Variants in URI1 observed in about 807,000 individuals in gnomAD.
URI1 encodes the protein URI1 prefoldin like chaperone.
In URI1, 39 loss-of-function variants were observed where a neutral mutation model predicts 60.2. The ratio of observed to expected loss-of-function variants is 0.65; its 90% CI spans 0.50 to 0.85. The LOEUF (loss-of-function observed/expected upper bound fraction) is 0.85. URI1 is among the 40% of genes least tolerant of loss of function. The pLI is 0.00. For synonymous variants in URI1, 251 were observed against 236.8 expected, an observed-to-expected ratio of 1.06 and a Z score of -0.55; for missense variants, 691 against 665.9, an observed-to-expected ratio of 1.04 and a Z score of -0.42.
At chr19:29,996,862 T>G (rs2055819307) in intron 4 of URI1, among the ~76,000 whole-genome samples, 1 of 152,072 alleles carries the variant, frequency 6.6e-6, no homozygotes, top group African/African-American at 2.4e-5. Flanking sequence ...TCAATCGAGA[T>G]TACCATGTTT....
rs1428790496 is a variant in URI1 at position 29,982,229 on chromosome 19, T to C, written c.153-2994T>C. On this transcript the variant is annotated intron_variant, in intron 2 of 10. Transcript: ENST00000392271. The stretch of plus-strand genomic sequence containing the variant: ...TAGAAAATAATTCAAAATTTATAAA[T>C]AGCAACTCTAATCTTAAACTGCTCT... Among the ~76,000 whole-genome samples, 3 of 152,206 alleles carry C rather than the reference T, an allele frequency of 2.0e-5. No homozygotes were observed. The East Asian group carries it at 5.8e-4, about 29-fold the overall frequency.
chr19:29,957,340 A>G (rs990624584), intron 1 of URI1, among the ~76,000 whole-genome samples: 2 of 137,606 alleles, frequency 1.5e-5, no homozygotes, highest in Admixed American at 7.8e-5. Flanking sequence ...TTTGAACTGG[A>G]TGCCAGATAT....
At chr19:29,946,266 G>A (rs2055101965) in intron 1 of URI1, among the ~76,000 whole-genome samples, 1 of 152,174 alleles carries the variant, frequency 6.6e-6, no homozygotes, top group Non-Finnish European at 1.5e-5. Flanking sequence ...CTGTTGTGGA[G>A]TGTCTTGGGC....
intron 1 of URI1, among the ~76,000 whole-genome samples, chr19:29,965,670 A>G (rs891341157): frequency 1.3e-5 from 2 of 152,210 alleles, no homozygotes; most frequent in African/African-American, 4.8e-5. Context: ...AAACCCTCCA[A>G]ACATGTAAAC....
At chr19:29,933,100 G>C (rs892326403) in intron 1 of URI1, among the ~76,000 whole-genome samples, 10 of 152,196 alleles carry the variant, frequency 6.6e-5, no homozygotes, top group African/African-American at 2.4e-4. Flanking sequence ...AGGAGCAGTG[G>C]TCTGCAGTTT....
At chr19:29,989,552 A>G (rs759824872) in intron 4 of URI1, among the ~76,000 whole-genome samples, 9 of 151,626 alleles carry the variant, frequency 5.9e-5, no homozygotes, top group Non-Finnish European at 1.3e-4. Flanking sequence ...CCTCCTGAGT[A>G]GCTGAGATTA....
intron 1 of URI1, among the ~76,000 whole-genome samples, chr19:29,926,465 A>G (rs1246336408): frequency 2.0e-5 from 3 of 152,104 alleles, no homozygotes; most frequent in Non-Finnish European, 4.4e-5. Context: ...AATTTTTTAT[A>G]GAGAAGAGGT....
intron 1 of URI1, among the ~76,000 whole-genome samples, chr19:29,965,678 AACG>A (rs2055383547): frequency 1.3e-5 from 2 of 152,194 alleles, no homozygotes; most frequent in Admixed American, 6.5e-5. Context: ...CAAACATGTA[AACG>A]TCTTCATTCT....
rs1599656384 is a variant in URI1, at chr19:29,942,615, T to G, written c.68T>G (p.Val23Gly). The G allele has an allele frequency of 2.0e-5, 28 of 1,400,372 alleles. No individual in the cohort carries two copies. The highest frequency in any genetic ancestry group is 9.8e-5 in the East Asian group (3 of 30,698). The allele number at this position is 1,400,372 out of a possible 1,614,324, so 86.7% of individuals were successfully genotyped here. The change falls in exon 1 of 11, where the codon GTT becomes GGT. Residue 23 changes from valine (V) to glycine (G), a missense_variant. By Grantham distance (109) the Val-to-Gly change is moderately radical. Transcript: ENST00000392271. The part of the protein sequence containing the change: ...SPPSAPAPAL[V>G]PLRAPDVARL... ...CCTTCGGCCCCGGCCCCTGCCCTGG[T>G]TCCGTTGCGCGCCCCGGATGTGGCG... is the stretch of plus-strand genomic sequence containing the variant.
intron 2 of URI1, among the ~76,000 whole-genome samples, chr19:29,977,448 T>C (rs538985043): frequency 7.9e-4 from 120 of 152,184 alleles, no homozygotes; most frequent in Non-Finnish European, 1.4e-3. Flanking sequence ...CAGTGTTAGG[T>C]AGATTTGTAA....
At chr19:29,963,186 T>C (rs1330234603) in intron 1 of URI1, among the ~76,000 whole-genome samples, 1 of 152,218 alleles carries the variant, frequency 6.6e-6, no homozygotes, top group Admixed American at 6.5e-5. Flanking sequence ...AAATCCAGAA[T>C]TCAAGATCTT....
At chr19:29,928,435 G>A (rs1055273476) in intron 1 of URI1, among the ~76,000 whole-genome samples, 7 of 152,100 alleles carry the variant, frequency 4.6e-5, no homozygotes, top group African/African-American at 1.7e-4. Context: ...GTCACGAAAC[G>A]CCCCTTTCCT....
chr19:29,924,885 G>T (rs2054852617), intron 1 of URI1, among the ~76,000 whole-genome samples: 1 of 151,974 alleles, frequency 6.6e-6, no homozygotes, highest in Non-Finnish European at 1.5e-5. Flanking sequence ...GCCCAAGCTG[G>T]AGTGCAACAG....
At position 29,986,396 on chromosome 19, in the gene URI1, T is replaced by A. The variant is rs112541086; in HGVS notation, c.346T>A (p.Leu116Ile). 1 of 1,608,550 alleles carries A rather than the reference T, an allele frequency of 6.2e-7. No individual in the cohort carries two copies. Among genetic ancestry groups the A allele is most frequent in the African/African-American group, 1.3e-5 (1 of 74,578 alleles). Residue 116 changes from leucine to isoleucine, a missense_variant, in exon 4 of 11, where the codon TTA (leucine) becomes ATA (isoleucine). Leu to Ile is a conservative substitution (Grantham distance 5). Coordinates refer to ENST00000392271, the MANE Select transcript of URI1 (RefSeq NM_003796.3). Reference protein sequence around the residue: ...AKCSAKQAVGLVEHRKEHVRK... With the variant: ...AKCSAKQAVGIVEHRKEHVRK... ...GTGCTCAGCAAAGCAGGCTGTAGGT[T>A]TAGTTGAGCACCGGAAAGAACGTAG...
At position 29,984,704 on chromosome 19, in the gene URI1, T is replaced by A. The variant is rs455998; in HGVS notation, c.153-519T>A. 4.7e-3 allele frequency among the ~76,000 whole-genome samples: 709 copies of A among 152,338 alleles called. 6 individuals carry two copies. The highest frequency in any genetic ancestry group is 0.016 in the African/African-American group (672 of 41,580). On this transcript the variant is annotated intron_variant, in intron 2 of 10. Coordinates refer to ENST00000392271, the MANE Select transcript of URI1 (RefSeq NM_003796.3). ...ACTAAAAATAAAACCACATTAATCT[T>A]GAATTTGCTAAAATTATGTTTTTGA...
chr19:29,995,229 A>G (rs547809114), intron 4 of URI1, among the ~76,000 whole-genome samples: 2 of 152,214 alleles, frequency 1.3e-5, no homozygotes, highest in Admixed American at 1.3e-4. Context: ...AAATAAATAT[A>G]TTTTGAAGTG....
chr19:29,970,717 G>A lies in URI1; in HGVS notation c.118-476G>A, dbSNP rs187925659. On this transcript the variant is annotated intron_variant, in intron 1 of 10. Transcript: ENST00000392271. The stretch of plus-strand genomic sequence containing the variant: ...TATCACTGAATTCATTTTTTAATGC[G>A]TCAGAATAAAAATTACAGGTGAAAA... Among the ~76,000 whole-genome samples, 7 of 151,946 alleles carry A rather than the reference G, an allele frequency of 4.6e-5. No individual in the cohort carries two copies. In the East Asian group the frequency reaches 5.8e-4, roughly 13 times the overall value.
chr19:30,015,608 G>C lies in URI1; in HGVS notation c.*539G>C. 6.6e-7 allele frequency: 1 copy of C among 1,519,986 alleles called. No homozygotes were observed. The highest frequency in any genetic ancestry group is 8.8e-7 in the Non-Finnish European group (1 of 1,137,732). The allele number at this position is 1,519,986 out of a possible 1,614,324, so 94.2% of individuals were successfully genotyped here. ...CATACTGTAATCTTTAAGGAAGAAA[G>C]CTACATGAATTAATTGTACTCTATG... On this transcript the variant is annotated 3_prime_UTR_variant, in exon 11 of 11. Coordinates refer to ENST00000392271, the MANE Select transcript of URI1 (RefSeq NM_003796.3).
In URI1 at chr19:29,964,521, A is replaced by G. The variant is rs145274392; in HGVS notation, c.118-6672A>G. On this transcript the variant is annotated intron_variant, in intron 1 of 10. Transcript: ENST00000392271. ...CTCTCGTTGCCCAGGCTGGAGTGCA[A>G]TGGCGTGACCTTGGCTCACTGCAAC... is the stretch of plus-strand genomic sequence containing the variant. 4.9e-4 allele frequency among the ~76,000 whole-genome samples: 73 copies of G among 147,604 alleles called. No homozygotes were observed. The Middle Eastern group carries it at 0.01, about 21-fold the overall frequency.
Sources: allele counts gnomAD v4.1 joint callset (sites outside exome capture counted in the v4.1 genomes callset), GRCh38; gene constraint gnomAD v4.1.1; transcripts MANE v1.5; gene names NCBI Gene and HGNC (gene_info 2026-07-23, HGNC 2026-07-21).